Variants in ACBD6 observed in about 807,000 individuals in gnomAD.
The protein encoded by ACBD6 is acyl-CoA binding domain containing 6, also known as acyl-CoA-binding domain-containing protein 6.
Under a neutral mutation model 37.2 loss-of-function variants are expected in ACBD6, and 28 were observed. That is an observed-to-expected ratio of 0.75 (90% confidence interval 0.56 to 1.03). The LOEUF is 1.03. Among genes scored for constraint, ACBD6 ranks in the 50% least tolerant of loss-of-function variants. The pLI is 0.00. For missense variants in ACBD6, 340 were observed against 337.4 expected (o/e 1.01, Z -0.06); for synonymous variants, 113 against 126.8 (o/e 0.89, Z 0.73).
rs544363985 is a variant in ACBD6, at chr1:180,403,598, GA to G, written c.574-5994del. On this transcript the variant is annotated intron_variant, in intron 5 of 7. Transcript: ENST00000367595. The stretch of plus-strand genomic sequence containing the variant: ...ACATTTTTCATAATAGATTCTTGGG[GA>G]AAAAAAATCAAACAAAAATTTGTAC... Among the ~76,000 whole-genome samples, 1,088 of 151,856 alleles carry G rather than the reference GA, an allele frequency of 7.2e-3. 17 individuals carry two copies. Among genetic ancestry groups the G allele is most frequent in the African/African-American group, 0.024 (981 of 41,392 alleles).
At chr1:180,477,111 G>A (rs1351104975) in intron 3 of ACBD6, among the ~76,000 whole-genome samples, 1 of 152,144 alleles carries the variant, frequency 6.6e-6, no homozygotes, top group East Asian at 1.9e-4. Flanking sequence ...TACAGGAACA[G>A]GTAATGGATA....
chr1:180,378,556 T>C (rs894503175), intron 6 of ACBD6, among the ~76,000 whole-genome samples: 1 of 152,252 alleles, frequency 6.6e-6, no homozygotes, highest in Admixed American at 6.5e-5. Flanking sequence ...AACTCTGCAC[T>C]GCTTTTGCAA....
At chr1:180,287,917 T>C (rs112263953), downstream of ACBD6, among the ~76,000 whole-genome samples, 1,314 of 152,302 alleles carry the variant, frequency 8.6e-3, 22 homozygotes, top group African/African-American at 0.03. Flanking sequence ...GCCAAAAGAA[T>C]AGACATCTTA....
In ACBD6 at chr1:180,380,271, AAAACAAAAC is replaced by A. The variant is rs1653590311; in HGVS notation, c.663+17236_663+17244del. Among the ~76,000 whole-genome samples the A allele has an allele frequency of 4.6e-5, 5 of 109,468 alleles. No individual in the cohort carries two copies. In the South Asian group the frequency reaches 1.5e-3, roughly 34 times the overall value. 71.8% of individuals were successfully genotyped at this position (109,468 alleles called of 152,430 possible). A position where few individuals can be genotyped will look rare whatever the true frequency, so the allele number is the denominator to read the frequency against. ...GGCAAAAACAAACAAAAACAAAAAC[AAAACAAAAC>A]AAACAAACAAAGAACAATCAAAGAC... is the stretch of plus-strand genomic sequence containing the variant. On this transcript the variant is annotated intron_variant, in intron 6 of 7. Coordinates refer to ENST00000367595, the MANE Select transcript of ACBD6 (RefSeq NM_032360.4).
At chr1:180,377,622 T>C (rs1457184659) in intron 6 of ACBD6, among the ~76,000 whole-genome samples, 2 of 152,154 alleles carry the variant, frequency 1.3e-5, no homozygotes, top group African/African-American at 4.8e-5. Context: ...ATAACAACTG[T>C]TGGAGACACA....
chr1:180,327,732 GAC>G (rs1651308795), intron 6 of ACBD6, among the ~76,000 whole-genome samples: 1 of 152,160 alleles, frequency 6.6e-6, no homozygotes, highest in Admixed American at 6.5e-5. Context: ...GGAGTGCAAT[GAC>G]AGACATGATA....
intron 5 of ACBD6, among the ~76,000 whole-genome samples, chr1:180,401,949 A>T (rs1433618584): frequency 2.6e-5 from 4 of 152,166 alleles, no homozygotes; most frequent in Non-Finnish European, 5.9e-5. Flanking sequence ...GTATATTTAA[A>T]TTTGTAAGAG....
chr1:180,455,585 G>T (rs1649883709), intron 3 of ACBD6, among the ~76,000 whole-genome samples: 1 of 151,802 alleles, frequency 6.6e-6, no homozygotes, highest in African/African-American at 2.4e-5. Context: ...GTGAAAAAAA[G>T]TTCAGATACT....
At chr1:180,421,604 T>C (rs547790042) in intron 4 of ACBD6, among the ~76,000 whole-genome samples, 1 of 152,212 alleles carries the variant, frequency 6.6e-6, no homozygotes, top group Non-Finnish European at 1.5e-5. Context: ...TGAACCAATT[T>C]GCACTCCCAC....
At chr1:180,394,747 G>C (rs114798258) in intron 6 of ACBD6, among the ~76,000 whole-genome samples, 2,993 of 152,146 alleles carry the variant, frequency 0.02, 101 homozygotes, top group African/African-American at 0.067. Flanking sequence ...GAACTGGCTA[G>C]TCATCTGGAC....
chr1:180,397,377 T>G (rs1302356380), intron 6 of ACBD6, 139 bp downstream of exon 6: 1 of 792,654 alleles, frequency 1.3e-6, no homozygotes, highest in East Asian at 2.5e-5. Flanking sequence ...AACTATATAG[T>G]AGCAATGATT....
intron 5 of ACBD6, among the ~76,000 whole-genome samples, chr1:180,399,421 A>G (rs1310874811): frequency 6.6e-6 from 1 of 152,102 alleles, no homozygotes; most frequent in Admixed American, 6.5e-5. Flanking sequence ...ACCCGCCACC[A>G]TGCCCAGCTA....
At chr1:180,428,205 GA>G (rs1648671791) in intron 4 of ACBD6, among the ~76,000 whole-genome samples, 3 of 151,898 alleles carry the variant, frequency 2.0e-5, no homozygotes, top group Admixed American at 1.3e-4. Flanking sequence ...AAGACTTCAT[GA>G]AAAAAAGGCC....
chr1:180,435,171 G>C (rs1430711853), intron 3 of ACBD6: 1 of 691,090 alleles, frequency 1.4e-6, no homozygotes, highest in Non-Finnish European at 2.7e-6. Context: ...CCTGGGCTGC[G>C]ACACGGATTT....
intron 6 of ACBD6, among the ~76,000 whole-genome samples, chr1:180,339,214 A>G (rs578104252): frequency 5.9e-5 from 9 of 152,364 alleles, no homozygotes; most frequent in African/African-American, 1.9e-4. Context: ...TCATGCTGCT[A>G]TAAAGACACA....
chr1:180,319,210 T>C (rs1458859700), intron 6 of ACBD6, among the ~76,000 whole-genome samples: 1 of 152,232 alleles, frequency 6.6e-6, no homozygotes, highest in Non-Finnish European at 1.5e-5. Flanking sequence ...ACTGAGACTA[T>C]AAACTTCTTG....
chr1:180,353,729 C>A (rs1454117872), intron 6 of ACBD6, among the ~76,000 whole-genome samples: 1 of 28,552 alleles, frequency 3.5e-5, no homozygotes. Flanking sequence ...GGTAAAGATA[C>A]AAAAAGAGCT....
At chr1:180,290,176 A>G (rs1649643746) in intron 7 of ACBD6, among the ~76,000 whole-genome samples, 1 of 151,914 alleles carries the variant, frequency 6.6e-6, no homozygotes, top group Admixed American at 6.6e-5. Flanking sequence ...TTCAAGAGAA[A>G]GGGTATGGAG....
In ACBD6 at chr1:180,413,475, G is replaced by C. The variant is rs984366980; in HGVS notation, c.468-4C>G. Reference sequence around the variant, plus strand: ...AAATATATTTTTGTCTTCTTCCCTAGAATAAAAAAAAGAAAGGTCTTTTTT... The same window carrying C: ...AAATATATTTTTGTCTTCTTCCCTACAATAAAAAAAAGAAAGGTCTTTTTT... On this transcript the variant is annotated splice_region_variant and splice_polypyrimidine_tract_variant and intron_variant, in intron 4 of 7. Coordinates refer to ENST00000367595, the MANE Select transcript of ACBD6 (RefSeq NM_032360.4). 1 of 1,596,338 alleles carries C rather than the reference G, an allele frequency of 6.3e-7. No homozygotes were observed. Among genetic ancestry groups the C allele is most frequent in the Non-Finnish European group, 8.6e-7 (1 of 1,166,984 alleles).
Sources: allele counts gnomAD v4.1 joint callset (sites outside exome capture counted in the v4.1 genomes callset), GRCh38; gene constraint gnomAD v4.1.1; transcripts MANE v1.5; gene names NCBI Gene and HGNC (gene_info 2026-07-23, HGNC 2026-07-21).